The following NOXRED1 variants were observed in gnomAD, a reference collection of about 807,000 sequenced individuals.
The protein encoded by NOXRED1 is NADP-dependent oxidoreductase domain-containing protein 1.
In NOXRED1, 20 loss-of-function variants were observed where a neutral mutation model predicts 30.4. The ratio of observed to expected loss-of-function variants is 0.66; its 90% CI spans 0.46 to 0.96. NOXRED1 has a LOEUF of 0.96. Among genes scored for constraint, NOXRED1 ranks in the 40% least tolerant of loss-of-function variants. The pLI, the probability that NOXRED1 is intolerant of heterozygous loss-of-function variation, is 0.00. For missense variants in NOXRED1, 374 were observed against 428.0 expected, an observed-to-expected ratio of 0.87 and a Z score of 1.11; for synonymous variants, 155 against 168.0, an observed-to-expected ratio of 0.92 and a Z score of 0.60.
intron 1 of NOXRED1, among the ~76,000 whole-genome samples, chr14:77,418,167 C>G (rs1941250217): frequency 6.6e-6 from 1 of 151,956 alleles, no homozygotes; most frequent in Non-Finnish European, 1.5e-5. Flanking sequence ...CAGGGTCTCA[C>G]CCTGTGGCCC....
chr14:77,408,892 AT>A (rs1177680524), intron 2 of NOXRED1, among the ~76,000 whole-genome samples: 2,329 of 68,196 alleles, frequency 0.034, 66 homozygotes, highest in African/African-American at 0.11. Context: ...CTGGTAGTTA[AT>A]TTTTTTTTTT....
chr14:77,394,452 G>T lies in NOXRED1; in HGVS notation c.*179C>A. 2.2e-6 allele frequency: 1 copy of T among 446,580 alleles called. No homozygotes were observed. 27.7% of individuals were successfully genotyped at this position (446,580 alleles called of 1,614,324 possible). ...GAGCCAGATACATATTGATGGATAG[G>T]ACCACTTGTTTTATTCTACATTTTA... On this transcript the variant is annotated 3_prime_UTR_variant, in exon 6 of 6. Transcript: ENST00000380835.
intron 2 of NOXRED1, among the ~76,000 whole-genome samples, chr14:77,413,266 G>T (rs1346348325): frequency 6.8e-6 from 1 of 146,986 alleles, no homozygotes; most frequent in Non-Finnish European, 1.5e-5. Context: ...TTGAGACGGA[G>T]TCTTACTCTA....
In NOXRED1 at chr14:77,421,304, T is replaced by C. The variant is rs185442006; in HGVS notation, c.155+1431A>G. Reference sequence around the variant, plus strand: ...GCTTGCTGGAGGTTTCATAAAGGCTTTTTGGACCATATATTGTTGTTAAGT... The same window carrying C: ...GCTTGCTGGAGGTTTCATAAAGGCTCTTTGGACCATATATTGTTGTTAAGT... On this transcript the variant is annotated intron_variant, in intron 1 of 5. Transcript: ENST00000380835. Among the ~76,000 whole-genome samples, 11 of 152,338 alleles carry C rather than the reference T, an allele frequency of 7.2e-5. No individual in the cohort carries two copies. The East Asian group carries it at 2.1e-3, about 29-fold the overall frequency.
In NOXRED1 at chr14:77,423,306, T is replaced by C. The variant is rs1220769448; in HGVS notation, c.-417A>G. Reference sequence around the variant, plus strand: ...CGTTTTGGAAATAGGACTGAACACATAGAACCACATTTCAAAGAAATGCTT... The same window carrying C: ...CGTTTTGGAAATAGGACTGAACACACAGAACCACATTTCAAAGAAATGCTT... On this transcript the variant is annotated 5_prime_UTR_variant, in exon 1 of 6. An upstream start codon of the reference 5' UTR is lost. Transcript: ENST00000380835. Among the ~76,000 whole-genome samples the C allele has an allele frequency of 2.0e-5, 3 of 152,172 alleles. No individual in the cohort carries two copies. The highest frequency in any genetic ancestry group is 4.4e-5 in the Non-Finnish European group (3 of 68,036).
intron 2 of NOXRED1, among the ~76,000 whole-genome samples, chr14:77,410,014 G>GA (rs1566710424): frequency 1.3e-5 from 2 of 152,004 alleles, no homozygotes; most frequent in Non-Finnish European, 2.9e-5. Flanking sequence ...TGTTGGCCAG[G>GA]CTGGTCTCAA....
intron 2 of NOXRED1, among the ~76,000 whole-genome samples, chr14:77,413,209 T>A (rs1450880770): frequency 6.6e-6 from 1 of 152,042 alleles, no homozygotes; most frequent in Non-Finnish European, 1.5e-5. Flanking sequence ...TGTTCTGATT[T>A]CTATCACCAT....
chr14:77,405,631 C>CTTCCCCT (rs1427847794), intron 5 of NOXRED1, among the ~76,000 whole-genome samples: 3 of 152,132 alleles, frequency 2.0e-5, no homozygotes, highest in African/African-American at 7.2e-5. Context: ...TCCCATGTGT[C>CTTCCCCT]TAACACTGTA....
chr14:77,394,922 T>G (rs1484377800), intron 5 of NOXRED1, 117 bp from the exon 6 acceptor site: 1 of 641,180 alleles, frequency 1.6e-6, no homozygotes, highest in Non-Finnish European at 2.7e-6. Flanking sequence ...CTAGAAACAT[T>G]AATACCTTTT....
At chr14:77,398,680 C>G (rs185588447) in intron 5 of NOXRED1, among the ~76,000 whole-genome samples, 10 of 152,110 alleles carry the variant, frequency 6.6e-5, no homozygotes, top group African/African-American at 2.2e-4. Context: ...TATTAAAGAC[C>G]TATTTACAGG....
At chr14:77,425,333 A>T (rs1375218861), upstream of NOXRED1, among the ~76,000 whole-genome samples, 1 of 152,194 alleles carries the variant, frequency 6.6e-6, no homozygotes, top group African/African-American at 2.4e-5. Context: ...AATTTCTCTA[A>T]ACAGGTCAGA....
intron 2 of NOXRED1, among the ~76,000 whole-genome samples, chr14:77,411,478 A>G (rs1894649597): frequency 1.2e-5 from 1 of 83,802 alleles, no homozygotes; most frequent in Non-Finnish European, 2.6e-5. Context: ...TCAAAAAAAA[A>G]AAAAAAAAAA....
intron 5 of NOXRED1, among the ~76,000 whole-genome samples, chr14:77,398,188 A>G (rs758679158): frequency 1.3e-5 from 2 of 152,138 alleles, no homozygotes; most frequent in Non-Finnish European, 2.9e-5. Context: ...CAGAGTGGAC[A>G]AGTCTGAGAA....
chr14:77,417,654 T>C (rs1441530944), intron 1 of NOXRED1, among the ~76,000 whole-genome samples: 2 of 152,264 alleles, frequency 1.3e-5, no homozygotes, highest in Admixed American at 1.3e-4. Flanking sequence ...TCAGCCTATA[T>C]GTGTCCTAAC....
At position 77,423,065 on chromosome 14, in the gene NOXRED1, C is replaced by G; in HGVS notation, c.-176G>C. The G allele has an allele frequency of 1.7e-6, 1 of 584,802 alleles. No individual in the cohort carries two copies. The highest frequency in any genetic ancestry group is 2.9e-5 in the East Asian group (1 of 34,500). The allele number at this position is 584,802 out of a possible 1,614,324, so 36.2% of individuals were successfully genotyped here. A position where few individuals can be genotyped will look rare whatever the true frequency, so the allele number is the denominator to read the frequency against. The stretch of plus-strand genomic sequence containing the variant: ...TCCCAGATTCTGAATTTGGAATTCA[C>G]CTCTCTTGAATTCACACTCTAGAGT... On this transcript the variant is annotated 5_prime_UTR_variant, in exon 1 of 6. Transcript: ENST00000380835.
intron 2 of NOXRED1, among the ~76,000 whole-genome samples, chr14:77,413,028 A>G (rs1894703602): frequency 6.6e-6 from 1 of 152,168 alleles, no homozygotes; most frequent in Admixed American, 6.6e-5. Context: ...TTATTGAAGT[A>G]TAATTTACAT....
intron 2 of NOXRED1, among the ~76,000 whole-genome samples, chr14:77,411,831 C>G (rs1894661496): frequency 6.6e-6 from 1 of 152,136 alleles, no homozygotes. Context: ...GTGGCTCACG[C>G]CTGTAATCCC....
intron 4 of NOXRED1, 87 bp from the exon 5 acceptor site, chr14:77,406,222 G>A (rs1267093741): frequency 4.6e-6 from 4 of 867,170 alleles, no homozygotes; most frequent in Non-Finnish European, 5.5e-6. Context: ...ACAGTGAATA[G>A]CCGCCTTTTT....
At chr14:77,399,468 G>A (rs543870365) in intron 5 of NOXRED1, among the ~76,000 whole-genome samples, 19 of 152,120 alleles carry the variant, frequency 1.2e-4, no homozygotes, top group African/African-American at 4.3e-4. Context: ...AAATAACTAT[G>A]ACTAATATGC....
Sources: gnomAD v4.1 joint callset for allele counts (sites outside exome capture counted in the v4.1 genomes callset) on GRCh38, gnomAD v4.1.1 for gene constraint, MANE v1.5 for transcripts, NCBI Gene and HGNC (gene_info 2026-07-23, HGNC 2026-07-21) for gene names.